Variants in PTPRD observed in about 807,000 individuals in gnomAD.
The protein encoded by PTPRD is receptor-type tyrosine-protein phosphatase delta.
Under a neutral mutation model 214.5 loss-of-function variants are expected in PTPRD, and 34 were observed. That is an observed-to-expected ratio of 0.16 (90% CI 0.12 to 0.21). The LOEUF (loss-of-function observed/expected upper bound fraction) is 0.21. Ranked by LOEUF, PTPRD falls within the 10% of genes least tolerant of loss-of-function variation. PTPRD has a pLI of 1.00. For synonymous variants in PTPRD, 1,128 were observed against 845.7 expected, an observed-to-expected ratio of 1.33 and a Z score of -5.79; for missense variants, 2,545 against 2,398.7, an observed-to-expected ratio of 1.06 and a Z score of -1.27.
At chr9:10,346,657 G>A (rs977928480) in intron 2 of PTPRD, among the ~76,000 whole-genome samples, 8 of 152,104 alleles carry the variant, frequency 5.3e-5, no homozygotes, top group African/African-American at 1.7e-4. Flanking sequence ...CCTCAGATTC[G>A]AGTTGTAGAT....
At chr9:10,432,424 C>A (rs1239352247) in intron 2 of PTPRD, among the ~76,000 whole-genome samples, 1 of 151,480 alleles carries the variant, frequency 6.6e-6, no homozygotes, top group East Asian at 2.0e-4. Context: ...TACCCTAAAA[C>A]TTAAAGTATA....
chr9:9,245,683 T>C (rs1416365392), intron 9 of PTPRD, among the ~76,000 whole-genome samples: 1 of 152,100 alleles, frequency 6.6e-6, no homozygotes, highest in Non-Finnish European at 1.5e-5. Context: ...GATGAGTTGA[T>C]GGGTGCAGCA....
chr9:9,505,246 C>T (rs1022610170), intron 8 of PTPRD, among the ~76,000 whole-genome samples: 1 of 151,572 alleles, frequency 6.6e-6, no homozygotes, highest in African/African-American at 2.4e-5. Flanking sequence ...GCAGCCGACT[C>T]TCTTAGATTA....
intron 5 of PTPRD, among the ~76,000 whole-genome samples, chr9:9,811,281 G>T (rs1477061286): frequency 1.3e-5 from 2 of 152,204 alleles, no homozygotes; most frequent in Non-Finnish European, 2.9e-5. Context: ...CAGGAACGCA[G>T]TGAAAGAAGA....
At chr9:8,806,253 G>A (rs1327404371) in intron 11 of PTPRD, among the ~76,000 whole-genome samples, 2 of 109,752 alleles carry the variant, frequency 1.8e-5, no homozygotes, top group East Asian at 2.7e-4. Flanking sequence ...TTGGTGGGGC[G>A]GGGGGGGGAT....
Position 9,164,810 on chromosome 9 carries a change from C to T in PTPRD, c.-143+18494G>A, listed in dbSNP as rs191520546. On this transcript the variant is annotated intron_variant, in intron 10 of 45. Transcript: ENST00000381196. Reference sequence around the variant, plus strand: ...GGTGGATCTCCTGAGGTCAGGAGTTCGTGACCAGCCTGGCCAACATGATGA... The same window carrying T: ...GGTGGATCTCCTGAGGTCAGGAGTTTGTGACCAGCCTGGCCAACATGATGA... Among the ~76,000 whole-genome samples the T allele has an allele frequency of 1.8e-3, 269 of 151,842 alleles. 1 individual carries two copies. Among genetic ancestry groups the T allele is most frequent in the South Asian group, 4.8e-3 (23 of 4,804 alleles).
At chr9:8,471,372 G>A (rs1311939511) in intron 30 of PTPRD, among the ~76,000 whole-genome samples, 1 of 151,968 alleles carries the variant, frequency 6.6e-6, no homozygotes, top group African/African-American at 2.4e-5. Flanking sequence ...TTAGGGCCCT[G>A]GTGCTGGACA....
At chr9:10,528,799 A>G (rs987653088) in intron 2 of PTPRD, among the ~76,000 whole-genome samples, 4 of 152,280 alleles carry the variant, frequency 2.6e-5, no homozygotes, top group Admixed American at 1.3e-4. Flanking sequence ...TCCTTTATCC[A>G]TACTATTTCA....
At position 8,708,075 on chromosome 9, in the gene PTPRD, G is replaced by C. The variant is rs116400059; in HGVS notation, c.64+25705C>G. ...ACTCACTTTCCAAATGCCTTCTAAGGCACCTCTGAAATAAAGGGGAAATCT... is the reference window on the plus strand; with the variant it reads ...ACTCACTTTCCAAATGCCTTCTAAGCCACCTCTGAAATAAAGGGGAAATCT... On this transcript the variant is annotated intron_variant, in intron 12 of 45. Transcript: ENST00000381196. Among the ~76,000 whole-genome samples the C allele has an allele frequency of 2.5e-3, 374 of 152,236 alleles. 3 individuals carry two copies. Among genetic ancestry groups the C allele is most frequent in the African/African-American group, 6.5e-3 (272 of 41,542 alleles).
intron 30 of PTPRD, among the ~76,000 whole-genome samples, chr9:8,473,263 C>T (rs2096692889): frequency 1.3e-5 from 2 of 152,148 alleles, no homozygotes; most frequent in Admixed American, 1.3e-4. Context: ...TTACTACAAA[C>T]AATCATAATG....
intron 5 of PTPRD, among the ~76,000 whole-genome samples, chr9:9,905,445 C>T (rs142326374): frequency 1.6e-3 from 239 of 151,972 alleles, no homozygotes; most frequent in African/African-American, 5.4e-3. Flanking sequence ...TCCTCATATA[C>T]GACAACAAGG....
At chr9:10,133,885 T>C (rs2098921960) in intron 3 of PTPRD, among the ~76,000 whole-genome samples, 1 of 152,234 alleles carries the variant, frequency 6.6e-6, no homozygotes, top group Non-Finnish European at 1.5e-5. Context: ...TGGTAAAATG[T>C]GGTGAGTTTA....
intron 12 of PTPRD, among the ~76,000 whole-genome samples, chr9:8,705,496 A>G (rs2098186629): frequency 1.3e-5 from 2 of 152,216 alleles, no homozygotes; most frequent in South Asian, 4.1e-4. Flanking sequence ...AAGTAATACT[A>G]GTTTTGGATT....
chr9:9,935,664 C>T (rs1349790384), intron 5 of PTPRD, among the ~76,000 whole-genome samples: 3 of 147,060 alleles, frequency 2.0e-5, no homozygotes, highest in South Asian at 2.1e-4. Flanking sequence ...AGGTAATTTA[C>T]AGATTCAATG....
At chr9:8,472,545 C>A (rs2096674355) in intron 30 of PTPRD, among the ~76,000 whole-genome samples, 1 of 152,168 alleles carries the variant, frequency 6.6e-6, no homozygotes. Flanking sequence ...CCCCTGGGGG[C>A]CATCGGGCAC....
chr9:10,420,087 CAAT>C (rs1215102908), intron 2 of PTPRD, among the ~76,000 whole-genome samples: 1 of 150,700 alleles, frequency 6.6e-6, no homozygotes, highest in Admixed American at 6.6e-5. Context: ...AAAATAATGA[CAAT>C]AATAATAATC....
intron 5 of PTPRD, among the ~76,000 whole-genome samples, chr9:9,897,662 G>C (rs768970107): frequency 1.3e-5 from 2 of 151,856 alleles, no homozygotes; most frequent in Admixed American, 6.6e-5. Context: ...TTAAATTATA[G>C]CTGTTGATTC....
At chr9:9,738,741 C>T (rs995506756) in intron 6 of PTPRD, among the ~76,000 whole-genome samples, 2 of 152,040 alleles carry the variant, frequency 1.3e-5, no homozygotes, top group African/African-American at 4.8e-5. Flanking sequence ...CACACCTGAC[C>T]TCTTTGCTCA....
At chr9:8,407,384 G>A (rs75681434) in intron 35 of PTPRD, among the ~76,000 whole-genome samples, 93 of 152,254 alleles carry the variant, frequency 6.1e-4, no homozygotes, top group African/African-American at 2.0e-3. Flanking sequence ...GGCCTACTTC[G>A]TGACAGGCTC....
Sources: allele counts gnomAD v4.1 joint callset (sites outside exome capture counted in the v4.1 genomes callset), GRCh38; gene constraint gnomAD v4.1.1; transcripts MANE v1.5; gene names NCBI Gene and HGNC (gene_info 2026-07-23, HGNC 2026-07-21).